OPCML: variants seen among roughly 807,000 people sequenced by gnomAD.
OPCML encodes opioid binding protein/cell adhesion molecule like, also known as opioid-binding protein/cell adhesion molecule.
A neutral mutation model predicts 37.8 loss-of-function variants in OPCML; 13 were observed. The observed-to-expected ratio is 0.34, with a 90% confidence interval of 0.22 to 0.55. The LOEUF (loss-of-function observed/expected upper bound fraction) is 0.55, where lower values mean the gene tolerates loss of function less well. Among genes scored for constraint, OPCML ranks in the 20% least tolerant of loss-of-function variants. The pLI is 0.91. For synonymous variants in OPCML, 176 were observed against 168.8 expected, an observed-to-expected ratio of 1.04 and a Z score of -0.33; for missense variants, 341 against 435.6, an observed-to-expected ratio of 0.78 and a Z score of 1.93.
At chr11:133,527,702 T>C (rs1344098942) in intron 1 of OPCML, among the ~76,000 whole-genome samples, 1 of 152,222 alleles carries the variant, frequency 6.6e-6, no homozygotes, top group African/African-American at 2.4e-5. Context: ...AACCTAGGTG[T>C]TCAGCTACTC....
chr11:132,999,462 A>G (rs1946951392), intron 1 of OPCML, among the ~76,000 whole-genome samples: 1 of 152,052 alleles, frequency 6.6e-6, no homozygotes, highest in Admixed American at 6.5e-5. Context: ...AAATATAGAT[A>G]AAGTTTAATA....
intron 1 of OPCML, among the ~76,000 whole-genome samples, chr11:133,214,002 T>C (rs1284386473): frequency 1.3e-5 from 2 of 152,198 alleles, no homozygotes; most frequent in Non-Finnish European, 2.9e-5. Flanking sequence ...AATGGTTAAA[T>C]GTTTGTGATG....
chr11:132,684,535 C>T (rs902723977), intron 2 of OPCML, among the ~76,000 whole-genome samples: 1 of 152,104 alleles, frequency 6.6e-6, no homozygotes, highest in South Asian at 2.1e-4. Flanking sequence ...CCTTTGTTGG[C>T]TTTTATGGAG....
chr11:133,344,945 C>CT (rs1189697885), intron 1 of OPCML, among the ~76,000 whole-genome samples: 1 of 152,172 alleles, frequency 6.6e-6, no homozygotes, highest in Non-Finnish European at 1.5e-5. Context: ...TTGCTAGCCA[C>CT]GTCACATGCG....
chr11:133,194,182 C>G (rs887903209), intron 1 of OPCML, among the ~76,000 whole-genome samples: 1 of 151,216 alleles, frequency 6.6e-6, no homozygotes, highest in Non-Finnish European at 1.5e-5. Flanking sequence ...TCCTTCCCTT[C>G]CCTTCCCTTT....
intron 1 of OPCML, among the ~76,000 whole-genome samples, chr11:132,996,822 A>G (rs1176719062): frequency 6.6e-6 from 1 of 152,154 alleles, no homozygotes; most frequent in Non-Finnish European, 1.5e-5. Flanking sequence ...TAGGGAAGAC[A>G]AGGATGTCTA....
rs867761171 is a variant in OPCML at position 132,951,183 on chromosome 11, A to C, written c.62-8173T>G. On this transcript the variant is annotated intron_variant, in intron 1 of 7. Transcript: ENST00000524381. ...CTCTGTAAATGGAGACCACCGTAGC[A>C]ATGAATCTGTAGAGTACTTGTGAGT... Among the ~76,000 whole-genome samples, 8 of 152,346 alleles carry C rather than the reference A, an allele frequency of 5.3e-5. No homozygotes were observed. The South Asian group carries it at 1.0e-3, about 20-fold the overall frequency.
At chr11:133,071,527 A>G (rs967629855) in intron 1 of OPCML, among the ~76,000 whole-genome samples, 1 of 152,208 alleles carries the variant, frequency 6.6e-6, no homozygotes, top group Non-Finnish European at 1.5e-5. Context: ...CAGGGGCTTA[A>G]GGAAAAATCA....
chr11:132,863,054 G>C (rs565301206), intron 2 of OPCML, among the ~76,000 whole-genome samples: 1 of 152,298 alleles, frequency 6.6e-6, no homozygotes, highest in South Asian at 2.1e-4. Context: ...TTGTTAGACT[G>C]GGTGTGGGCA....
At chr11:133,280,156 T>A (rs1942105257) in intron 1 of OPCML, among the ~76,000 whole-genome samples, 1 of 152,212 alleles carries the variant, frequency 6.6e-6, no homozygotes, top group Non-Finnish European at 1.5e-5. Context: ...CCTCCTAGAT[T>A]TGCATATAAA....
intron 1 of OPCML, among the ~76,000 whole-genome samples, chr11:133,292,524 A>C (rs541754979): frequency 4.6e-5 from 7 of 152,194 alleles, no homozygotes; most frequent in South Asian, 2.1e-4. Flanking sequence ...TCATCATCAT[A>C]ATAATAACCT....
chr11:133,035,058 G>A (rs1410357707), intron 1 of OPCML, among the ~76,000 whole-genome samples: 1 of 152,184 alleles, frequency 6.6e-6, no homozygotes, highest in African/African-American at 2.4e-5. Context: ...CCAGGCGGGA[G>A]GAAAGGATGC....
chr11:133,237,909 A>C (rs377285334), intron 1 of OPCML, among the ~76,000 whole-genome samples: 6 of 152,216 alleles, frequency 3.9e-5, no homozygotes, highest in Non-Finnish European at 7.3e-5. Flanking sequence ...AGCTCATCCT[A>C]TTCATATGAT....
At chr11:132,950,634 T>G (rs1392654600) in intron 1 of OPCML, among the ~76,000 whole-genome samples, 2 of 152,122 alleles carry the variant, frequency 1.3e-5, no homozygotes, top group African/African-American at 4.8e-5. Flanking sequence ...TTCCTAATTA[T>G]CATAAAAAAT....
At chr11:133,005,893 A>G (rs1947101013) in intron 1 of OPCML, 3 of 985,436 alleles carry the variant, frequency 3.0e-6, no homozygotes, top group Non-Finnish European at 2.4e-6. Context: ...TGGAATTTCC[A>G]ATCATCCTTT....
At chr11:132,945,050 A>C (rs1453056914) in intron 1 of OPCML, among the ~76,000 whole-genome samples, 1 of 152,234 alleles carries the variant, frequency 6.6e-6, no homozygotes, top group Non-Finnish European at 1.5e-5. Context: ...CCCATTCCCC[A>C]TTCTAAAAGG....
intron 1 of OPCML, among the ~76,000 whole-genome samples, chr11:133,148,625 G>T (rs1360224000): frequency 6.6e-6 from 1 of 152,100 alleles, no homozygotes; most frequent in Non-Finnish European, 1.5e-5. Context: ...CCGCCCTGCA[G>T]GGGGCGAAGA....
rs543328936 is a variant in OPCML, at chr11:132,862,331, T to C, written c.146+80595A>G. Among the ~76,000 whole-genome samples the C allele has an allele frequency of 8.5e-5, 13 of 152,310 alleles. No homozygotes were observed. The East Asian group carries it at 9.7e-4, about 11-fold the overall frequency. On this transcript the variant is annotated intron_variant, in intron 2 of 7. Coordinates refer to ENST00000524381, the MANE Select transcript of OPCML (RefSeq NM_001012393.5). ...TTTCGGGTAGGCTGGGTGCATCATC[T>C]GTTTCCAATTTGACTTCGTTTTGAA...
At position 133,166,044 on chromosome 11, in the gene OPCML, C is replaced by G. The variant is rs1411181397; in HGVS notation, c.62-223034G>C. Among the ~76,000 whole-genome samples, 3 of 152,210 alleles carry G rather than the reference C, an allele frequency of 2.0e-5. No individual in the cohort carries two copies. The East Asian group carries it at 5.8e-4, about 29-fold the overall frequency. On this transcript the variant is annotated intron_variant, in intron 1 of 7. Transcript: ENST00000524381. ...TACTATTCCACAAACTCCATATTCA[C>G]CCATTCACTCACTCACTGGATTCAT...
Sources: allele counts gnomAD v4.1 joint callset (sites outside exome capture counted in the v4.1 genomes callset), GRCh38; gene constraint gnomAD v4.1.1; transcripts MANE v1.5; gene names NCBI Gene and HGNC (gene_info 2026-07-23, HGNC 2026-07-21).